Variants in ITPRID1 observed in about 807,000 individuals in gnomAD.
ITPRID1 encodes the protein ITPR interacting domain containing 1.
Under a neutral mutation model 95.4 loss-of-function variants are expected in ITPRID1, and 96 were observed. The observed-to-expected ratio is 1.01, with a 90% confidence interval of 0.85 to 1.19. ITPRID1 has a LOEUF of 1.19. Among genes scored for constraint, ITPRID1 ranks in the 50% most tolerant of loss-of-function variants. The pLI, the probability that ITPRID1 is intolerant of heterozygous loss-of-function variation, is 0.00. For missense variants in ITPRID1, 1,339 were observed against 1,252.9 expected, an observed-to-expected ratio of 1.07 and a Z score of -1.04; for synonymous variants, 510 against 453.6, an observed-to-expected ratio of 1.12 and a Z score of -1.58.
intron 1 of ITPRID1, among the ~76,000 whole-genome samples, chr7:31,530,490 C>G (rs2128129957): frequency 6.6e-6 from 1 of 152,206 alleles, no homozygotes; most frequent in South Asian, 2.1e-4. Context: ...ATAAGTATAT[C>G]CCAAATAACG....
intron 10 of ITPRID1, among the ~76,000 whole-genome samples, chr7:31,610,294 A>C (rs1302502277): frequency 2.6e-5 from 4 of 151,398 alleles, no homozygotes; most frequent in Non-Finnish European, 5.9e-5. Context: ...ACAGATGTCT[A>C]TTAGGACTAC....
At chr7:31,641,806 T>C (rs921571176) in intron 10 of ITPRID1, among the ~76,000 whole-genome samples, 15 of 152,200 alleles carry the variant, frequency 9.9e-5, no homozygotes, top group African/African-American at 3.4e-4. Context: ...CACACAAATA[T>C]ATAAAATGTG....
At chr7:31,626,282 T>C (rs1788459921) in intron 10 of ITPRID1, among the ~76,000 whole-genome samples, 1 of 152,206 alleles carries the variant, frequency 6.6e-6, no homozygotes, top group South Asian at 2.1e-4. Flanking sequence ...AAATTGCTTT[T>C]TAAAATTAGG....
intron 10 of ITPRID1, among the ~76,000 whole-genome samples, chr7:31,613,606 G>A (rs760689499): frequency 5.3e-5 from 8 of 152,130 alleles, no homozygotes; most frequent in Admixed American, 1.3e-4. Flanking sequence ...AGAATATCAG[G>A]TAGGAAGACA....
chr7:31,514,225 A>G (rs1367914051), intron 1 of ITPRID1, 105 bp downstream of exon 1: 1 of 151,994 alleles, frequency 6.6e-6, no homozygotes, highest in Non-Finnish European at 1.5e-5. Context: ...TTTATCAAAA[A>G]CTTTTGTATG....
At chr7:31,574,485 A>C in intron 7 of ITPRID1, 55 bp from the exon 8 acceptor site, 1 of 1,533,590 alleles carries the variant, frequency 6.5e-7, no homozygotes, top group Admixed American at 1.7e-5. Context: ...GACCAGAAAA[A>C]AATGGTGTTG....
chr7:31,569,882 G>A, intron 6 of ITPRID1, 73 bp downstream of exon 6: 2 of 1,331,564 alleles, frequency 1.5e-6, no homozygotes, highest in South Asian at 2.8e-5. Context: ...AATAGAAGTA[G>A]GGAAGTTTTC....
At chr7:31,540,746 A>G (rs1054823807) in intron 1 of ITPRID1, among the ~76,000 whole-genome samples, 4 of 152,198 alleles carry the variant, frequency 2.6e-5, no homozygotes, top group African/African-American at 7.2e-5. Flanking sequence ...TCAAATACCT[A>G]TAAGTTGGGT....
chr7:31,519,121 C>T (rs945274550), intron 1 of ITPRID1, among the ~76,000 whole-genome samples: 3 of 152,090 alleles, frequency 2.0e-5, no homozygotes, highest in Non-Finnish European at 2.9e-5. Flanking sequence ...TCTGCAGGTA[C>T]CCCAAATGCT....
rs150398844 is a variant in ITPRID1, at chr7:31,642,710, C to T, written c.1340C>T (p.Pro447Leu). ...QMPSLPNSQSPAENGGRKPRD... is the reference protein window; with the variant it reads ...QMPSLPNSQSLAENGGRKPRD... ...CCTTCCTTGCCAAACAGCCAGAGTCCTGCTGAGAATGGAGGTAGAAAGCCA... is the reference window on the plus strand; with the variant it reads ...CCTTCCTTGCCAAACAGCCAGAGTCTTGCTGAGAATGGAGGTAGAAAGCCA... The change falls in exon 12 of 15, where the codon CCT becomes CTT. Residue 447 changes from proline (P) to leucine (L), a missense_variant. By Grantham distance (98) the Pro-to-Leu change is moderately conservative. Coordinates refer to ENST00000615280, the MANE Select transcript of ITPRID1 (RefSeq NM_001257967.3). The T allele has an allele frequency of 6.8e-6, 11 of 1,613,800 alleles. No homozygotes were observed. The highest frequency in any genetic ancestry group is 9.3e-6 in the Non-Finnish European group (11 of 1,179,878).
At chr7:31,572,383 A>G (rs1361717576) in intron 7 of ITPRID1, among the ~76,000 whole-genome samples, 195 bp downstream of exon 7, 2 of 152,216 alleles carry the variant, frequency 1.3e-5, no homozygotes, top group African/African-American at 4.8e-5. Context: ...ATATCTGTCA[A>G]TGGGGAAATG....
chr7:31,523,224 T>C lies in ITPRID1; in HGVS notation c.-98+9104T>C, dbSNP rs537997147. 4.6e-5 allele frequency among the ~76,000 whole-genome samples: 7 copies of C among 152,334 alleles called. No homozygotes were observed. In the South Asian group the frequency reaches 1.5e-3, roughly 32 times the overall value. On this transcript the variant is annotated intron_variant, in intron 1 of 14. Transcript: ENST00000615280. ...TTTGCTAAATCGCAGACAAAAGCAT[T>C]CTAGTCTTACTAATCAAAGAAGAAT...
chr7:31,598,465 G>T (rs1354096774), intron 10 of ITPRID1, among the ~76,000 whole-genome samples: 1 of 142,678 alleles, frequency 7.0e-6, no homozygotes, highest in Non-Finnish European at 1.5e-5. Context: ...GTGCAGTGGC[G>T]CTATCTCGGC....
At position 31,652,998 on chromosome 7, in the gene ITPRID1, C is replaced by T; in HGVS notation, c.*169C>T. 9 of 1,427,858 alleles carry T rather than the reference C, an allele frequency of 6.3e-6. No individual in the cohort carries two copies. The highest frequency in any genetic ancestry group is 8.2e-6 in the Non-Finnish European group (9 of 1,092,968). The allele number at this position is 1,427,858 out of a possible 1,614,324, so 88.4% of individuals were successfully genotyped here. On this transcript the variant is annotated 3_prime_UTR_variant, in exon 15 of 15. Coordinates refer to ENST00000615280, the MANE Select transcript of ITPRID1 (RefSeq NM_001257967.3). Reference sequence around the variant, plus strand: ...AAGAGGAGTTTAGAATACTCTAATACTCATTCAGTATAGAATAACTGAGCA... The same window carrying T: ...AAGAGGAGTTTAGAATACTCTAATATTCATTCAGTATAGAATAACTGAGCA...
chr7:31,555,000 C>G, intron 5 of ITPRID1, 99 bp downstream of exon 5: 1 of 907,356 alleles, frequency 1.1e-6, no homozygotes, highest in Non-Finnish European at 1.7e-6. Flanking sequence ...TTATCAGAGG[C>G]TTCTAGAAAT....
At chr7:31,611,310 T>G (rs1786858637) in intron 10 of ITPRID1, among the ~76,000 whole-genome samples, 1 of 151,778 alleles carries the variant, frequency 6.6e-6, no homozygotes, top group South Asian at 2.1e-4. Context: ...TTATATCAAT[T>G]CCATTTTATA....
intron 12 of ITPRID1, 44 bp downstream of exon 12, chr7:31,643,997 T>A: frequency 6.7e-7 from 1 of 1,502,816 alleles, no homozygotes; most frequent in Non-Finnish European, 9.0e-7. Context: ...GATGCACCCG[T>A]GATAAACACC....
chr7:31,612,289 CTAA>C (rs1489184033), intron 10 of ITPRID1, among the ~76,000 whole-genome samples: 1 of 152,004 alleles, frequency 6.6e-6, no homozygotes, highest in East Asian at 1.9e-4. Flanking sequence ...TATATAATAA[CTAA>C]TTTTTTGTTT....
intron 1 of ITPRID1, among the ~76,000 whole-genome samples, chr7:31,517,005 A>G (rs1005888650): frequency 1.3e-5 from 2 of 152,202 alleles, no homozygotes; most frequent in African/African-American, 2.4e-5. Flanking sequence ...GAGTGAAACT[A>G]CAGACCTCTA....
Sources: gnomAD v4.1 joint callset for allele counts (sites outside exome capture counted in the v4.1 genomes callset) on GRCh38, gnomAD v4.1.1 for gene constraint, MANE v1.5 for transcripts, NCBI Gene and HGNC (gene_info 2026-07-23, HGNC 2026-07-21) for gene names.